DCAF1: variants seen among roughly 807,000 people sequenced by gnomAD.
DCAF1 encodes the protein DDB1 and CUL4 associated factor 1, also known as DDB1- and CUL4-associated factor 1.
A neutral mutation model predicts 128.0 loss-of-function variants in DCAF1; 15 were observed. The observed-to-expected ratio is 0.12, with a 90% confidence interval of 0.08 to 0.18. DCAF1 has a LOEUF of 0.18. Ranked by LOEUF, DCAF1 falls within the 10% of genes least tolerant of loss-of-function variation. The pLI, the probability that DCAF1 is intolerant of heterozygous loss-of-function variation, is 1.00. For missense variants in DCAF1, 988 were observed against 1,649.5 expected, an observed-to-expected ratio of 0.60 and a Z score of 6.95; for synonymous variants, 610 against 603.0, an observed-to-expected ratio of 1.01 and a Z score of -0.17.
chr3:51,396,217 G>GAAAC (rs2089193050), downstream of DCAF1: 1 of 323,014 alleles, frequency 3.1e-6, no homozygotes, highest in Non-Finnish European at 5.9e-6. Flanking sequence ...CAAGTAAAAG[G>GAAAC]AAACATGCTA....
At chr3:51,418,565 A>C in intron 16 of DCAF1, 113 bp downstream of exon 16, 1 of 1,473,740 alleles carries the variant, frequency 6.8e-7, no homozygotes, top group Non-Finnish European at 9.0e-7. Context: ...TAGACTTTCC[A>C]GTTGAGGACT....
intron 10 of DCAF1, among the ~76,000 whole-genome samples, chr3:51,432,267 T>TA (rs879192648): frequency 0.8 from 78,777 of 98,996 alleles, 31,593 homozygotes; most frequent in East Asian, 0.9. Context: ...CAAGATTCTG[T>TA]AAAAAAAAAA....
chr3:51,402,916 A>G (rs2089834881), intron 24 of DCAF1, among the ~76,000 whole-genome samples: 1 of 152,114 alleles, frequency 6.6e-6, no homozygotes, highest in South Asian at 2.1e-4. Flanking sequence ...AAGTCTGCCA[A>G]TCTCTACTTG....
chr3:51,409,210 GGA>G (rs1322047023), intron 23 of DCAF1, among the ~76,000 whole-genome samples: 4 of 152,218 alleles, frequency 2.6e-5, no homozygotes, highest in Non-Finnish European at 5.9e-5. Flanking sequence ...AAGCCTTCCT[GGA>G]GAGAGTGGGA....
chr3:51,441,428 C>T lies in DCAF1; in HGVS notation c.983G>A (p.Arg328Gln). The change falls in exon 8 of 25, where the codon CGA becomes CAA. Residue 328 changes from arginine to glutamine, a missense_variant. Around this residue, in one of 11 missense-constraint regions of DCAF1, gnomAD observed 19 missense variants for 61.4 expected, o/e 0.31. Transcript: ENST00000684031. ...LYPMTPAIEQ[R>Q]LILQYLTPLG... ...AGGGGTCAAATATTGGAGAATGAGT[C>T]GCTGCTCGATAGCAGGAGTCATAGG... 4 of 1,613,708 alleles carry T rather than the reference C, an allele frequency of 2.5e-6. No individual in the cohort carries two copies. The highest frequency in any genetic ancestry group is 2.5e-6 in the Non-Finnish European group (3 of 1,179,812).
intron 3 of DCAF1, among the ~76,000 whole-genome samples, chr3:51,473,629 C>T (rs1705059217): frequency 6.6e-6 from 1 of 151,770 alleles, no homozygotes; most frequent in African/African-American, 2.4e-5. Context: ...GATCCTCCCA[C>T]CTCAGGCTCC....
chr3:51,500,648 C>G (rs970936040), upstream of DCAF1, among the ~76,000 whole-genome samples: 5 of 152,090 alleles, frequency 3.3e-5, no homozygotes, highest in South Asian at 1.0e-3. Context: ...AAACAGTCCT[C>G]CCACCTCAGC....
In DCAF1 at chr3:51,415,423, C is replaced by G. The variant is rs369523119; in HGVS notation, c.3604-566G>C. On this transcript the variant is annotated intron_variant, in intron 18 of 24. Transcript: ENST00000684031. ...GGTAAGAGGATTGCTTGAGTCCAGG[C>G]AGTCAAGGCTGTGGTGAGCTGTGAT... 1.0e-3 allele frequency among the ~76,000 whole-genome samples: 153 copies of G among 152,250 alleles called. 3 individuals are homozygous for G. The South Asian group carries it at 0.03, about 30-fold the overall frequency.
In DCAF1 at chr3:51,418,905, C is replaced by T. The variant is rs1020665944; in HGVS notation, c.3237-29G>A. The T allele has an allele frequency of 7.0e-6, 11 of 1,570,882 alleles. No homozygotes were observed. In the Admixed American group the frequency reaches 1.5e-4, roughly 22 times the overall value. ...AGCAAAAAAAAGAGAGAATCACAGG[C>T]AAAGAATGTGCAGGGACTCAGAAAA... On this transcript the variant is annotated intron_variant, in intron 15 of 24. Transcript: ENST00000684031.
chr3:51,423,404 A>T (rs1553633151), intron 13 of DCAF1, among the ~76,000 whole-genome samples: 7 of 151,896 alleles, frequency 4.6e-5, no homozygotes, highest in Non-Finnish European at 1.5e-5. Context: ...CGGGAGGTTG[A>T]GGCAGGAGAA....
At chr3:51,485,349 A>G (rs115767314) in intron 2 of DCAF1, among the ~76,000 whole-genome samples, 2,087 of 152,302 alleles carry the variant, frequency 0.014, 48 homozygotes, top group African/African-American at 0.048. Context: ...CCTGGAAAGA[A>G]GAGGCTAGAA....
intron 23 of DCAF1, among the ~76,000 whole-genome samples, chr3:51,411,682 T>C (rs1053830910): frequency 1.3e-5 from 2 of 152,170 alleles, no homozygotes; most frequent in Non-Finnish European, 2.9e-5. Flanking sequence ...TGAGAAAATA[T>C]AAACCAGAAC....
chr3:51,466,638 A>G (rs1337567599), intron 5 of DCAF1, among the ~76,000 whole-genome samples, 165 bp downstream of exon 5: 1 of 152,178 alleles, frequency 6.6e-6, no homozygotes, highest in Non-Finnish European at 1.5e-5. Flanking sequence ...ATATCAAAGT[A>G]CATACCAAAG....
At position 51,406,511 on chromosome 3, in the gene DCAF1, T is replaced by C. The variant is rs1291673085; in HGVS notation, c.4213-3116A>G. 3.3e-5 allele frequency among the ~76,000 whole-genome samples: 5 copies of C among 152,104 alleles called. No homozygotes were observed. The South Asian group carries it at 1.0e-3, about 32-fold the overall frequency. On this transcript the variant is annotated intron_variant, in intron 23 of 24. Coordinates refer to ENST00000684031, the MANE Select transcript of DCAF1 (RefSeq NM_001387579.1). ...GCCAGGCCATTTTAAATTAAGGTAC[T>C]AATAAATTTCTCTACAGAAAGAATT...
At chr3:51,408,135 T>G (rs1201016889) in intron 23 of DCAF1, among the ~76,000 whole-genome samples, 1 of 152,196 alleles carries the variant, frequency 6.6e-6, no homozygotes. Context: ...TTTATGGGTG[T>G]CCAATACATT....
intron 23 of DCAF1, among the ~76,000 whole-genome samples, chr3:51,406,115 G>A (rs902936560): frequency 7.2e-5 from 11 of 151,738 alleles, no homozygotes; most frequent in East Asian, 1.9e-4. Context: ...AGGCTGAGGC[G>A]GGCAGATCAC....
intron 2 of DCAF1, among the ~76,000 whole-genome samples, chr3:51,484,682 CT>C (rs1228009412): frequency 0.034 from 4,268 of 126,968 alleles, 113 homozygotes; most frequent in African/African-American, 0.11. Context: ...TTAATTTTTT[CT>C]TTTTTTTTTT....
intron 2 of DCAF1, among the ~76,000 whole-genome samples, chr3:51,484,678 TTTTC>T (rs1205363347): frequency 2.7e-5 from 4 of 148,810 alleles, no homozygotes; most frequent in Non-Finnish European, 4.4e-5. Context: ...CTGTTTAATT[TTTTC>T]TTTTTTTTTT....
chr3:51,432,553 G>A (rs1395730929), intron 10 of DCAF1, among the ~76,000 whole-genome samples: 1 of 151,810 alleles, frequency 6.6e-6, no homozygotes, highest in Non-Finnish European at 1.5e-5. Context: ...CCGCCTCCTG[G>A]GTTCAAGCAA....
Sources: allele counts gnomAD v4.1 joint callset (sites outside exome capture counted in the v4.1 genomes callset), GRCh38; gene constraint gnomAD v4.1.1; regional missense constraint gnomAD v4.1.1; transcripts MANE v1.5; gene names NCBI Gene and HGNC (gene_info 2026-07-23, HGNC 2026-07-21).